The following GYG1 variants were observed in gnomAD, a reference collection of about 807,000 sequenced individuals.
The protein encoded by GYG1 is glycogenin 1.
In GYG1, 44 loss-of-function variants were observed where a neutral mutation model predicts 41.9. The observed-to-expected ratio is 1.05, with a 90% confidence interval of 0.83 to 1.35. The LOEUF (loss-of-function observed/expected upper bound fraction) is 1.35. Ranked by LOEUF, GYG1 falls within the 40% of genes most tolerant of loss-of-function variation. The probability of loss-of-function intolerance (pLI) is 0.00; values close to 1 mark genes in which losing one functional copy is unlikely to be tolerated. For missense variants in GYG1, 429 were observed against 418.9 expected, an observed-to-expected ratio of 1.02 and a Z score of -0.21; for synonymous variants, 141 against 158.1, an observed-to-expected ratio of 0.89 and a Z score of 0.81.
At position 149,026,402 on chromosome 3, in the gene GYG1, T is replaced by C. The variant is rs771070685; in HGVS notation, c.829-50T>C. Reference sequence around the variant, plus strand: ...ACAGATTGAGAATTTATCTTGAGACTTGTGTTCCCTTGCCCATCCATCTTA... The same window carrying C: ...ACAGATTGAGAATTTATCTTGAGACCTGTGTTCCCTTGCCCATCCATCTTA... On this transcript the variant is annotated intron_variant, in intron 6 of 7. Coordinates refer to ENST00000345003, the MANE Select transcript of GYG1 (RefSeq NM_004130.4). 8 of 1,112,458 alleles carry C rather than the reference T, an allele frequency of 7.2e-6. No individual in the cohort carries two copies. The East Asian group carries it at 1.6e-4, about 23-fold the overall frequency. 68.9% of individuals were successfully genotyped at this position (1,112,458 alleles called of 1,614,324 possible). A position where few individuals can be genotyped will look rare whatever the true frequency, so the allele number is the denominator to read the frequency against.
chr3:149,022,634 T>G (rs1714436134), intron 5 of GYG1, among the ~76,000 whole-genome samples: 1 of 151,388 alleles, frequency 6.6e-6, no homozygotes, highest in Admixed American at 6.6e-5. Context: ...TAGCTGTGAT[T>G]ACAGGCACGT....
chr3:148,991,732 C>G, intron 1 of GYG1, 85 bp downstream of exon 1: 1 of 1,121,188 alleles, frequency 8.9e-7, no homozygotes, highest in Non-Finnish European at 1.3e-6. Context: ...CGCCCTCAGC[C>G]CCGGAGTGTT....
chr3:149,006,450 C>T (rs1713410389), intron 4 of GYG1, among the ~76,000 whole-genome samples: 2 of 152,278 alleles, frequency 1.3e-5, no homozygotes, highest in African/African-American at 4.8e-5. Flanking sequence ...CATTAATTTG[C>T]TTCCTATCTC....
rs974043471 is a variant in GYG1 at position 148,996,896 on chromosome 3, G to A, written c.473G>A (p.Ser158Asn). Residue 158 changes from serine to asparagine, a missense_variant, in exon 4 of 8, where the codon AGT becomes AAT. Physicochemically the swap from Ser to Asn is conservative, Grantham distance 46 (BLOSUM62 1). Transcript: ENST00000345003. ...QLLHLASEQG[S>N]FDGGDQGILN... ...TTGCATCTTGCTTCTGAGCAAGGTA[G>A]TTTTGATGGTATGTATTTGCTATCT... 6.2e-7 allele frequency: 1 copy of A among 1,611,466 alleles called. No individual in the cohort carries two copies. The highest frequency in any genetic ancestry group is 1.7e-5 in the Admixed American group (1 of 60,010).
chr3:149,010,965 AAT>A (rs1406536760), intron 5 of GYG1, among the ~76,000 whole-genome samples: 2 of 152,156 alleles, frequency 1.3e-5, no homozygotes, highest in African/African-American at 4.8e-5. Context: ...TTGTAGCAGC[AAT>A]GTTTCCTTTT....
At chr3:149,019,887 G>A (rs1042585647) in intron 5 of GYG1, among the ~76,000 whole-genome samples, 6 of 152,240 alleles carry the variant, frequency 3.9e-5, no homozygotes, top group Admixed American at 2.0e-4. Flanking sequence ...AACCAGTCGT[G>A]TGGCGGTCCA....
chr3:149,013,422 C>T (rs2107908152), intron 5 of GYG1, among the ~76,000 whole-genome samples: 1 of 152,242 alleles, frequency 6.6e-6, no homozygotes, highest in South Asian at 2.1e-4. Context: ...ATATAAAACA[C>T]ACCTTAAAGC....
Position 149,030,590 on chromosome 3 carries a change from C to CT in GYG1, c.*3658dup, listed in dbSNP as rs1227839465. 6.6e-6 allele frequency: 1 copy of CT among 152,148 alleles called. No individual in the cohort carries two copies. The highest frequency in any genetic ancestry group is 1.5e-5 in the Non-Finnish European group (1 of 68,020). The allele number at this position is 152,148 out of a possible 1,614,324, so 9.4% of individuals were successfully genotyped here. A position where few individuals can be genotyped will look rare whatever the true frequency, so the allele number is the denominator to read the frequency against. On this transcript the variant is annotated 3_prime_UTR_variant, in exon 8 of 8. Transcript: ENST00000345003. ...TATACTTAATCTCACTGAAGTATTG[C>CT]TATATGGAGAACCCATACTCTGATC...
At position 148,999,410 on chromosome 3, in the gene GYG1, G is replaced by T. The variant is rs1289816019; in HGVS notation, c.481+2506G>T. Among the ~76,000 whole-genome samples the T allele has an allele frequency of 2.6e-5, 4 of 152,306 alleles. No individual in the cohort carries two copies. The East Asian group carries it at 7.7e-4, about 29-fold the overall frequency. On this transcript the variant is annotated intron_variant, in intron 4 of 7. Transcript: ENST00000345003. ...GAGAACTTATGGTTCTCAATATGTT[G>T]TTTAAATTCAGCAGAAGAATGAATT...
At chr3:149,016,171 G>A (rs1272515326) in intron 5 of GYG1, among the ~76,000 whole-genome samples, 1 of 147,410 alleles carries the variant, frequency 6.8e-6, no homozygotes, top group African/African-American at 2.5e-5. Flanking sequence ...TGAGGCAGGA[G>A]AATGGCGTGA....
At chr3:149,022,498 CTTT>C (rs71617495) in intron 5 of GYG1, among the ~76,000 whole-genome samples, 5 of 69,586 alleles carry the variant, frequency 7.2e-5, no homozygotes, top group Admixed American at 4.5e-4. Context: ...CTTGTTTTGC[CTTT>C]TTTTTTTTTT....
intron 4 of GYG1, among the ~76,000 whole-genome samples, chr3:148,997,412 C>T (rs1712864709): frequency 6.6e-6 from 1 of 152,162 alleles, no homozygotes; most frequent in Non-Finnish European, 1.5e-5. Flanking sequence ...AACTCTCATT[C>T]TCTATAAGGC....
At chr3:149,007,976 A>G (rs1713497029) in intron 4 of GYG1, 1 of 152,268 alleles carries the variant, frequency 6.6e-6, no homozygotes, top group Non-Finnish European at 1.5e-5. Flanking sequence ...ATGAATGGCC[A>G]TGATCCCCGC....
At chr3:149,019,811 A>G (rs1714270519) in intron 5 of GYG1, among the ~76,000 whole-genome samples, 1 of 152,252 alleles carries the variant, frequency 6.6e-6, no homozygotes, top group Non-Finnish European at 1.5e-5. Flanking sequence ...GGAAGGCCAC[A>G]GGCCATATGG....
chr3:149,027,255 C>A lies in GYG1; in HGVS notation c.*322C>A. The stretch of plus-strand genomic sequence containing the variant: ...TATCAGTTCTTAAAATCTGCAGAGC[C>A]TGGTTCAAAATCAGTCACTCCCTTC... On this transcript the variant is annotated 3_prime_UTR_variant, in exon 8 of 8. Coordinates refer to ENST00000345003, the MANE Select transcript of GYG1 (RefSeq NM_004130.4). 2.8e-6 allele frequency: 1 copy of A among 357,010 alleles called. No homozygotes were observed. Among genetic ancestry groups the A allele is most frequent in the Non-Finnish European group, 5.2e-6 (1 of 191,782 alleles). The allele number at this position is 357,010 out of a possible 1,614,324, so 22.1% of individuals were successfully genotyped here. A position where few individuals can be genotyped will look rare whatever the true frequency, so the allele number is the denominator to read the frequency against.
chr3:149,001,297 T>C (rs1250287148), intron 4 of GYG1: 5 of 152,250 alleles, frequency 3.3e-5, no homozygotes, highest in African/African-American at 1.2e-4. Flanking sequence ...CTCTTGCATT[T>C]GTGTCATTTT....
At chr3:149,003,570 T>C (rs955397062) in intron 4 of GYG1, among the ~76,000 whole-genome samples, 3 of 152,202 alleles carry the variant, frequency 2.0e-5, no homozygotes, top group Non-Finnish European at 4.4e-5. Context: ...TATTATCCTT[T>C]GTTATAATAA....
In GYG1 at chr3:148,994,243, G is replaced by A. The variant is rs913039791; in HGVS notation, c.109G>A (p.Val37Met). ...KQHRTTRRLV[V>M]LATPQVSDSM... is the part of the protein sequence containing the mutation. The stretch of plus-strand genomic sequence containing the variant: ...GCACAGGACCACCAGGAGGCTGGTC[G>A]TGCTCGCCACCCCTCAGGTCTCAGA... The change falls in exon 2 of 8, where the codon GTG becomes ATG. Residue 37 changes from valine to methionine, a missense_variant. Coordinates refer to ENST00000345003, the MANE Select transcript of GYG1 (RefSeq NM_004130.4). 7.4e-6 allele frequency: 12 copies of A among 1,613,888 alleles called. No individual in the cohort carries two copies. The highest frequency in any genetic ancestry group is 4.0e-5 in the African/African-American group (3 of 74,868).
chr3:149,005,123 A>C (rs1046396053), intron 4 of GYG1, among the ~76,000 whole-genome samples: 2 of 152,220 alleles, frequency 1.3e-5, no homozygotes, highest in Admixed American at 1.3e-4. Context: ...CCAGGTTCTC[A>C]AATTGGATAA....
Sources: gnomAD v4.1 joint callset for allele counts (sites outside exome capture counted in the v4.1 genomes callset) on GRCh38, gnomAD v4.1.1 for gene constraint, MANE v1.5 for transcripts, NCBI Gene and HGNC (gene_info 2026-07-23, HGNC 2026-07-21) for gene names.